The following CAMK2D variants were observed in gnomAD, a reference collection of about 807,000 sequenced individuals.
The protein encoded by CAMK2D is calcium/calmodulin dependent protein kinase II delta, also known as calcium/calmodulin-dependent protein kinase type II subunit delta.
CAMK2D carries 37 observed loss-of-function variants against 84.0 expected under a neutral mutation model. That is an observed-to-expected ratio of 0.44 (90% CI 0.34 to 0.58). The LOEUF is 0.58. CAMK2D is among the 20% of genes least tolerant of loss of function. The pLI, the probability that CAMK2D is intolerant of heterozygous loss-of-function variation, is 0.02. For missense variants in CAMK2D, 448 were observed against 652.5 expected (o/e 0.69, Z 3.41); for synonymous variants, 202 against 212.5 (o/e 0.95, Z 0.43).
chr4:113,537,354 C>A lies in CAMK2D; in HGVS notation c.504G>T (p.Gln168His). 1 of 1,602,646 alleles carries A rather than the reference C, an allele frequency of 6.2e-7. No individual in the cohort carries two copies. The highest frequency in any genetic ancestry group is 8.5e-7 in the Non-Finnish European group (1 of 1,169,708). Residue 168 changes from glutamine to histidine, a missense_variant, in exon 7 of 21, where the codon CAG becomes CAT. By Grantham distance (24) the Gln-to-His change is conservative. Around this residue, in one of 7 missense-constraint regions of CAMK2D, gnomAD observed 60 missense variants for 70.0 expected, o/e 0.86. Coordinates refer to ENST00000511664, the MANE Select transcript of CAMK2D (RefSeq NM_001321571.2). ...GGCCCTACTCACCAAACCACGCCTGCTGGTCCCCTTGAACTTCTATGGCTA... is the reference window on the plus strand; with the variant it reads ...GGCCCTACTCACCAAACCACGCCTGATGGTCCCCTTGAACTTCTATGGCTA... ...FGLAIEVQGD[Q>H]QAWFGFAGTP...
At chr4:113,462,112 G>T (rs1007232318) in intron 17 of CAMK2D, among the ~76,000 whole-genome samples, 30 of 152,124 alleles carry the variant, frequency 2.0e-4, no homozygotes, top group African/African-American at 6.5e-4. Context: ...TCTGCCAGGG[G>T]CTATTACTTC....
At chr4:113,662,317 G>C (rs569423940) in intron 2 of CAMK2D, among the ~76,000 whole-genome samples, 72 of 152,180 alleles carry the variant, frequency 4.7e-4, no homozygotes, top group African/African-American at 1.6e-3. Flanking sequence ...ATCCCTAATT[G>C]CTTGCTCATC....
chr4:113,577,059 GTTTT>G (rs2098786433), intron 4 of CAMK2D, among the ~76,000 whole-genome samples: 1 of 151,964 alleles, frequency 6.6e-6, no homozygotes, highest in Non-Finnish European at 1.5e-5. Flanking sequence ...TTTGTATTTT[GTTTT>G]TTGTTAGTTC....
intron 6 of CAMK2D, among the ~76,000 whole-genome samples, chr4:113,545,040 A>G (rs981719128): frequency 9.2e-5 from 14 of 152,210 alleles, no homozygotes; most frequent in Admixed American, 6.5e-4. Flanking sequence ...CTTTATTCTG[A>G]AGATATACTT....
At chr4:113,667,553 C>T (rs1259993613) in intron 2 of CAMK2D, among the ~76,000 whole-genome samples, 1 of 152,094 alleles carries the variant, frequency 6.6e-6, no homozygotes, top group Admixed American at 6.6e-5. Context: ...GAAATTATGT[C>T]TCACTGAATG....
intron 2 of CAMK2D, among the ~76,000 whole-genome samples, chr4:113,703,949 C>A (rs945709074): frequency 7.0e-6 from 1 of 143,324 alleles, no homozygotes; most frequent in African/African-American, 2.6e-5. Flanking sequence ...TTTTAAGAAC[C>A]AGGTACTTCA....
chr4:113,462,880 A>G (rs1422971320), intron 17 of CAMK2D, among the ~76,000 whole-genome samples: 4 of 152,194 alleles, frequency 2.6e-5, no homozygotes, highest in Non-Finnish European at 5.9e-5. Context: ...AAAGAGAATA[A>G]TCTTATTCTT....
intron 2 of CAMK2D, among the ~76,000 whole-genome samples, chr4:113,747,875 G>A (rs2099608191): frequency 6.6e-6 from 1 of 151,896 alleles, no homozygotes; most frequent in South Asian, 2.1e-4. Flanking sequence ...CTTTTCACCC[G>A]TTTTTGCATG....
At position 113,466,599 on chromosome 4, in the gene CAMK2D, A is replaced by T. The variant is rs796896695; in HGVS notation, c.1136-995T>A. Among the ~76,000 whole-genome samples the T allele has an allele frequency of 2.4e-4, 37 of 152,332 alleles. 2 individuals carry two copies. Among genetic ancestry groups the T allele is most frequent in the African/African-American group, 8.4e-4 (35 of 41,576 alleles). Reference sequence around the variant, plus strand: ...TTGAAGAAGTGACATATGAATCAATACTGTAGATGTAGGCAGATAATAAGA... The same window carrying T: ...TTGAAGAAGTGACATATGAATCAATTCTGTAGATGTAGGCAGATAATAAGA... On this transcript the variant is annotated intron_variant, in intron 16 of 20. Transcript: ENST00000511664.
At chr4:113,743,462 T>C (rs982360905) in intron 2 of CAMK2D, among the ~76,000 whole-genome samples, 2 of 152,184 alleles carry the variant, frequency 1.3e-5, no homozygotes, top group African/African-American at 4.8e-5. Context: ...ATGCTTTTGG[T>C]TGTCTCCTTT....
chr4:113,499,856 T>C (rs1317567207), intron 16 of CAMK2D, among the ~76,000 whole-genome samples: 2 of 152,188 alleles, frequency 1.3e-5, no homozygotes, highest in Non-Finnish European at 2.9e-5. Flanking sequence ...CAAATGTGTG[T>C]TCAGTATGTG....
At chr4:113,535,959 A>G (rs1257205572) in intron 7 of CAMK2D, among the ~76,000 whole-genome samples, 3 of 152,068 alleles carry the variant, frequency 2.0e-5, no homozygotes, top group Non-Finnish European at 2.9e-5. Flanking sequence ...TGCTTTGCCC[A>G]TCTCTGTGAT....
chr4:113,690,415 A>T (rs544299781), intron 2 of CAMK2D, among the ~76,000 whole-genome samples: 2 of 151,706 alleles, frequency 1.3e-5, no homozygotes, highest in Admixed American at 6.6e-5. Flanking sequence ...AATTTAAATT[A>T]AAAAAAATGA....
intron 2 of CAMK2D, among the ~76,000 whole-genome samples, chr4:113,699,407 G>A (rs1337228962): frequency 6.6e-6 from 1 of 151,994 alleles, no homozygotes; most frequent in Non-Finnish European, 1.5e-5. Context: ...ATTATGTTGT[G>A]GATACTGAAG....
intron 2 of CAMK2D, among the ~76,000 whole-genome samples, chr4:113,664,257 G>A (rs568153613): frequency 2.2e-4 from 34 of 152,256 alleles, no homozygotes; most frequent in Admixed American, 5.2e-4. Context: ...TACATCTAAT[G>A]TATCAGTTTT....
At chr4:113,719,134 C>T (rs2099522566) in intron 2 of CAMK2D, among the ~76,000 whole-genome samples, 1 of 152,050 alleles carries the variant, frequency 6.6e-6, no homozygotes, top group Non-Finnish European at 1.5e-5. Flanking sequence ...CTTGAAATTT[C>T]CCTATGTCTT....
intron 13 of CAMK2D, among the ~76,000 whole-genome samples, chr4:113,506,037 TTTTA>T (rs2098123627): frequency 6.6e-6 from 1 of 152,194 alleles, no homozygotes. Flanking sequence ...TATCTAGGTA[TTTTA>T]TTTATTATTT....
chr4:113,583,202 T>C (rs1388982216), intron 4 of CAMK2D, among the ~76,000 whole-genome samples: 1 of 151,880 alleles, frequency 6.6e-6, no homozygotes, highest in East Asian at 1.9e-4. Flanking sequence ...GGGTTTTGAA[T>C]TCCAATGTGC....
intron 4 of CAMK2D, among the ~76,000 whole-genome samples, chr4:113,583,791 T>G (rs2098821892): frequency 6.6e-6 from 1 of 152,236 alleles, no homozygotes; most frequent in African/African-American, 2.4e-5. Context: ...CATGTAATTT[T>G]TTTTTCTGTT....
Sources: allele counts gnomAD v4.1 joint callset (sites outside exome capture counted in the v4.1 genomes callset), GRCh38; gene constraint gnomAD v4.1.1; regional missense constraint gnomAD v4.1.1; transcripts MANE v1.5; gene names NCBI Gene and HGNC (gene_info 2026-07-23, HGNC 2026-07-21).